LARGE1: variants seen among roughly 807,000 people sequenced by gnomAD.
LARGE1 encodes the protein LARGE xylosyl- and glucuronyltransferase 1, also known as xylosyl- and glucuronyltransferase LARGE1.
LARGE1 carries 43 observed loss-of-function variants against 87.6 expected under a neutral mutation model. The observed-to-expected ratio is 0.49, with a 90% CI of 0.38 to 0.63. LARGE1 has a LOEUF of 0.63. Ranked by LOEUF, LARGE1 falls within the 30% of genes least tolerant of loss-of-function variation. The pLI, the probability that LARGE1 is intolerant of heterozygous loss-of-function variation, is 0.00. For missense variants in LARGE1, 802 were observed against 1,000.2 expected (o/e 0.80, Z 2.67); for synonymous variants, 434 against 394.6 (o/e 1.10, Z -1.18).
chr22:33,863,532 C>T (rs912547134), intron 1 of LARGE1, among the ~76,000 whole-genome samples: 2 of 150,396 alleles, frequency 1.3e-5, no homozygotes, highest in Non-Finnish European at 3.0e-5. Context: ...CCGAGGTGGG[C>T]GGATCACAAG....
chr22:33,341,374 G>A (rs1939126735), intron 9 of LARGE1, among the ~76,000 whole-genome samples: 2 of 152,140 alleles, frequency 1.3e-5, no homozygotes, highest in South Asian at 4.2e-4. Flanking sequence ...ACTGAGGGAA[G>A]GAACTGGGTA....
chr22:33,125,885 C>T, the LARGE1 span, among the ~76,000 whole-genome samples: 1 of 152,126 alleles, frequency 6.6e-6, no homozygotes, highest in Non-Finnish European at 1.5e-5. Flanking sequence ...GCAGCTAGGA[C>T]CACAGGCACC....
intron 2 of LARGE1, among the ~76,000 whole-genome samples, chr22:33,665,613 C>T (rs763886443): frequency 1.3e-5 from 2 of 152,190 alleles, no homozygotes; most frequent in Non-Finnish European, 2.9e-5. Flanking sequence ...AGAAACAGGG[C>T]TGCGCGCGGT....
At chr22:33,091,032 AG>A in the LARGE1 span, among the ~76,000 whole-genome samples, 1 of 152,146 alleles carries the variant, frequency 6.6e-6, no homozygotes, top group Non-Finnish European at 1.5e-5. Context: ...GAGGCCTTTC[AG>A]GATAAGCATA....
intron 11 of LARGE1, among the ~76,000 whole-genome samples, chr22:33,243,892 G>C (rs1473909486): frequency 2.6e-5 from 4 of 152,184 alleles, no homozygotes; most frequent in African/African-American, 9.7e-5. Flanking sequence ...CTCAATAAAA[G>C]TCCTGAAACC....
chr22:33,573,301 T>C (rs1333499378), intron 5 of LARGE1, among the ~76,000 whole-genome samples: 1 of 151,792 alleles, frequency 6.6e-6, no homozygotes, highest in Non-Finnish European at 1.5e-5. Context: ...TAGCCGGGCG[T>C]GGTGGTGTGC....
chr22:33,359,354 A>T (rs1273590938), intron 9 of LARGE1, among the ~76,000 whole-genome samples: 1 of 152,110 alleles, frequency 6.6e-6, no homozygotes, highest in Non-Finnish European at 1.5e-5. Flanking sequence ...CTGACTTATA[A>T]AATGAAAAAA....
chr22:33,343,348 A>G (rs942645292), intron 9 of LARGE1, among the ~76,000 whole-genome samples: 5 of 152,084 alleles, frequency 3.3e-5, no homozygotes, highest in Admixed American at 6.6e-5. Flanking sequence ...TCAAACTCCT[A>G]AACTGAAGTG....
chr22:33,858,909 G>T (rs551909525), intron 1 of LARGE1, among the ~76,000 whole-genome samples: 1 of 152,116 alleles, frequency 6.6e-6, no homozygotes, highest in South Asian at 2.1e-4. Flanking sequence ...GGTTAAGCTG[G>T]AAACCATCAT....
intron 5 of LARGE1, among the ~76,000 whole-genome samples, chr22:33,570,906 C>A (rs770623661): frequency 1.3e-5 from 2 of 152,040 alleles, no homozygotes; most frequent in African/African-American, 2.4e-5. Context: ...GAGAAGAGCA[C>A]CCTCGAAGGC....
chr22:33,559,240 G>A (rs550739550), intron 6 of LARGE1, among the ~76,000 whole-genome samples: 4 of 152,178 alleles, frequency 2.6e-5, no homozygotes, highest in Non-Finnish European at 5.9e-5. Flanking sequence ...GGAGTGCAAT[G>A]GTGTGATCTT....
chr22:33,570,625 C>A (rs62227073), intron 5 of LARGE1, among the ~76,000 whole-genome samples: 8,225 of 120,132 alleles, frequency 0.068, 351 homozygotes, highest in Middle Eastern at 0.1. Context: ...TCCAGCCTGG[C>A]AATGGAGCGA....
intron 4 of LARGE1, 145 bp downstream of exon 4, chr22:33,626,099 C>T: frequency 1.4e-6 from 1 of 718,272 alleles, no homozygotes; most frequent in East Asian, 2.7e-5. Flanking sequence ...ACAATCATCT[C>T]CTCAGGGTTT....
chr22:33,596,299 C>T (rs547726765), intron 5 of LARGE1, among the ~76,000 whole-genome samples: 63 of 152,314 alleles, frequency 4.1e-4, no homozygotes, highest in Non-Finnish European at 5.3e-4. Flanking sequence ...CACAGTCAAA[C>T]ATCAGTCTTA....
the LARGE1 span, among the ~76,000 whole-genome samples, chr22:33,078,305 CAGTG>C: frequency 2.2e-3 from 342 of 152,296 alleles, 4 homozygotes; most frequent in African/African-American, 8.0e-3. Context: ...CCTCATTAGT[CAGTG>C]ATAGGCATAG....
At position 33,833,028 on chromosome 22, in the gene LARGE1, G is replaced by A. The variant is rs561926781; in HGVS notation, c.-82-71470C>T. ...GAGGCACCTGTGCCTTCATCCTTCG[G>A]GAGAACTGCAGGATGCCCCAGTGCA... On this transcript the variant is annotated intron_variant, in intron 1 of 14. Coordinates refer to ENST00000397394, the MANE Select transcript of LARGE1 (RefSeq NM_133642.5). Among the ~76,000 whole-genome samples, 227 of 152,254 alleles carry A rather than the reference G, an allele frequency of 1.5e-3. 1 individual carries two copies. Among genetic ancestry groups the A allele is most frequent in the Non-Finnish European group, 2.5e-3 (171 of 68,024 alleles).
chr22:33,574,454 C>T (rs982190588), intron 5 of LARGE1, among the ~76,000 whole-genome samples: 2 of 151,668 alleles, frequency 1.3e-5, no homozygotes, highest in Non-Finnish European at 2.9e-5. Context: ...ATGCAACCAT[C>T]TATTTTTTTT....
At chr22:33,395,318 T>C (rs2065699897) in intron 7 of LARGE1, among the ~76,000 whole-genome samples, 1 of 150,834 alleles carries the variant, frequency 6.6e-6, no homozygotes, top group African/African-American at 2.5e-5. Flanking sequence ...GGGTAGGGCC[T>C]GATCCAAGAT....
At chr22:33,727,385 A>G (rs549650402) in intron 2 of LARGE1, 1 of 152,346 alleles carries the variant, frequency 6.6e-6, no homozygotes, top group Non-Finnish European at 1.5e-5. Context: ...TTACTCTTGT[A>G]TATATCGCAA....
Sources: allele counts gnomAD v4.1 joint callset (sites outside exome capture counted in the v4.1 genomes callset), GRCh38; gene constraint gnomAD v4.1.1; transcripts MANE v1.5; gene names NCBI Gene and HGNC (gene_info 2026-07-23, HGNC 2026-07-21).